MECOM: variants seen among roughly 807,000 people sequenced by gnomAD.
The protein encoded by MECOM is histone-lysine N-methyltransferase MECOM.
In MECOM, 13 loss-of-function variants were observed where a neutral mutation model predicts 116.3. That is an observed-to-expected ratio of 0.11 (90% confidence interval 0.07 to 0.18). The LOEUF (loss-of-function observed/expected upper bound fraction) is 0.18. Among genes scored for constraint, MECOM ranks in the 10% least tolerant of loss-of-function variants. The probability of loss-of-function intolerance (pLI) is 1.00; values close to 1 mark genes in which losing one functional copy is unlikely to be tolerated. For missense variants in MECOM, 1,299 were observed against 1,509.0 expected (o/e 0.86, Z 2.31); for synonymous variants, 528 against 535.2 (o/e 0.99, Z 0.19).
At chr3:169,522,074 A>G (rs1023672309) in intron 1 of MECOM, among the ~76,000 whole-genome samples, 6 of 152,196 alleles carry the variant, frequency 3.9e-5, no homozygotes, top group Admixed American at 3.3e-4. Flanking sequence ...CCTGGAATCA[A>G]TCCTTCACAG....
At chr3:169,488,204 C>T (rs911642773) in intron 1 of MECOM, among the ~76,000 whole-genome samples, 1 of 151,732 alleles carries the variant, frequency 6.6e-6, no homozygotes, top group African/African-American at 2.4e-5. Context: ...CAAGTTTGAT[C>T]AAACATATAT....
chr3:169,490,894 AAT>A (rs1753007779), intron 1 of MECOM, among the ~76,000 whole-genome samples: 1 of 152,038 alleles, frequency 6.6e-6, no homozygotes, highest in Non-Finnish European at 1.5e-5. Context: ...ATATAAAAAA[AAT>A]GTTTTTTTGT....
chr3:169,503,550 C>T (rs1754810107), intron 1 of MECOM, among the ~76,000 whole-genome samples: 1 of 152,124 alleles, frequency 6.6e-6, no homozygotes, highest in African/African-American at 2.4e-5. Flanking sequence ...AAAGAAAAAG[C>T]GGCCTTCATT....
chr3:169,133,619 T>A (rs189150379), intron 3 of MECOM: 275 of 207,746 alleles, frequency 1.3e-3, no homozygotes, highest in Non-Finnish European at 2.3e-3. Context: ...ACAGATAGAA[T>A]CCAGACTAAC....
intron 2 of MECOM, among the ~76,000 whole-genome samples, chr3:169,229,611 T>C (rs1181699686): frequency 6.6e-6 from 1 of 152,114 alleles, no homozygotes; most frequent in African/African-American, 2.4e-5. Context: ...TTTCTACTAC[T>C]TTCAATGGCC....
At chr3:169,420,584 G>A (rs535458428) in intron 1 of MECOM, among the ~76,000 whole-genome samples, 96 of 152,258 alleles carry the variant, frequency 6.3e-4, no homozygotes, top group African/African-American at 2.3e-3. Context: ...AATAGGGAAT[G>A]GCAGTTTCCT....
At position 169,084,245 on chromosome 3, in the gene MECOM, T is replaced by C; in HGVS notation, c.*664A>G. The stretch of plus-strand genomic sequence containing the variant: ...GTGGTACAGCGGTACTGGTGATGAA[T>C]AGGTTACTTCACTGACTTAACCTCT... On this transcript the variant is annotated 3_prime_UTR_variant, in exon 17 of 17. Coordinates refer to ENST00000651503, the MANE Select transcript of MECOM (RefSeq NM_004991.4). The C allele has an allele frequency of 4.3e-6, 1 of 231,540 alleles. No individual in the cohort carries two copies. The highest frequency in any genetic ancestry group is 8.6e-6 in the Non-Finnish European group (1 of 116,930). The allele number at this position is 231,540 out of a possible 1,614,324, so 14.3% of individuals were successfully genotyped here. A position where few individuals can be genotyped will look rare whatever the true frequency, so the allele number is the denominator to read the frequency against.
At chr3:169,343,561 G>A (rs563915175) in intron 2 of MECOM, among the ~76,000 whole-genome samples, 76 of 152,120 alleles carry the variant, frequency 5.0e-4, no homozygotes, top group Admixed American at 1.8e-3. Flanking sequence ...CTAAGAACTG[G>A]AGTCTACAAA....
intron 2 of MECOM, among the ~76,000 whole-genome samples, chr3:169,228,173 CTG>C (rs1752966483): frequency 6.6e-6 from 1 of 152,154 alleles, no homozygotes. Context: ...CTACTGTAGT[CTG>C]TGCCGCAAAT....
chr3:169,579,714 C>G (rs1339725485), intron 1 of MECOM, among the ~76,000 whole-genome samples: 2 of 152,192 alleles, frequency 1.3e-5, no homozygotes, highest in Non-Finnish European at 2.9e-5. Context: ...TTCTTCCTAG[C>G]TGGGCCCAAA....
chr3:169,379,511 T>C (rs1343724257), intron 2 of MECOM, among the ~76,000 whole-genome samples: 1 of 134,866 alleles, frequency 7.4e-6, no homozygotes, highest in Non-Finnish European at 1.6e-5. Context: ...TTTGCCAGTG[T>C]ATATGTGGAA....
intron 1 of MECOM, among the ~76,000 whole-genome samples, chr3:169,511,504 G>A (rs1029671202): frequency 1.3e-5 from 2 of 152,194 alleles, no homozygotes; most frequent in African/African-American, 2.4e-5. Context: ...GCTCATGCCT[G>A]TAGTCCCAGC....
At chr3:169,617,541 T>G (rs114219665) in intron 1 of MECOM, among the ~76,000 whole-genome samples, 3 of 152,308 alleles carry the variant, frequency 2.0e-5, no homozygotes, top group Non-Finnish European at 2.9e-5. Flanking sequence ...GTGTCTTCTT[T>G]CCTGCCAGTC....
intron 2 of MECOM, among the ~76,000 whole-genome samples, chr3:169,225,865 C>T (rs1034323898): frequency 6.6e-6 from 1 of 152,212 alleles, no homozygotes; most frequent in African/African-American, 2.4e-5. Context: ...GCCTCGGCCT[C>T]CCAAAGTGCT....
Position 169,103,221 on chromosome 3 carries a change from G to A in MECOM, c.2605-995C>T, listed in dbSNP as rs976569590. Among the ~76,000 whole-genome samples, 8 of 151,492 alleles carry A rather than the reference G, an allele frequency of 5.3e-5. No homozygotes were observed. The East Asian group carries it at 9.8e-4, about 19-fold the overall frequency. ...CTCAAGCAATCCTTCCACCTGCTTC[G>A]GTCTCCCAAAGTGCTGGGATTATAG... On this transcript the variant is annotated intron_variant, in intron 10 of 16. Coordinates refer to ENST00000651503, the MANE Select transcript of MECOM (RefSeq NM_004991.4).
chr3:169,146,520 C>G (rs1289475494), intron 2 of MECOM: 2 of 1,379,176 alleles, frequency 1.5e-6, no homozygotes, highest in African/African-American at 1.5e-5. Context: ...CAGACCGCAC[C>G]GTTTCGCAGG....
chr3:169,336,938 T>C (rs760404787), intron 2 of MECOM, among the ~76,000 whole-genome samples: 3 of 152,174 alleles, frequency 2.0e-5, no homozygotes, highest in South Asian at 4.1e-4. Context: ...TAACTTTAGA[T>C]ATTTTTTCCG....
intron 2 of MECOM, among the ~76,000 whole-genome samples, chr3:169,219,842 A>AT (rs1031318269): frequency 2.7e-5 from 4 of 149,260 alleles, no homozygotes; most frequent in Middle Eastern, 7.1e-3. Context: ...AATCATCCTA[A>AT]TTTTTTATCA....
intron 1 of MECOM, among the ~76,000 whole-genome samples, chr3:169,557,117 T>C (rs1762128568): frequency 6.6e-6 from 1 of 152,264 alleles, no homozygotes; most frequent in African/African-American, 2.4e-5. Flanking sequence ...CTTAAATATG[T>C]ATTCAATCAC....
Sources: gnomAD v4.1 joint callset for allele counts (sites outside exome capture counted in the v4.1 genomes callset) on GRCh38, gnomAD v4.1.1 for gene constraint, MANE v1.5 for transcripts, NCBI Gene and HGNC (gene_info 2026-07-23, HGNC 2026-07-21) for gene names.